Variants in PARD3B observed in about 807,000 individuals in gnomAD.
PARD3B encodes par-3 family cell polarity regulator beta.
In PARD3B, 103 loss-of-function variants were observed where a neutral mutation model predicts 130.2. The observed-to-expected ratio is 0.79, with a 90% CI of 0.67 to 0.93. The LOEUF (loss-of-function observed/expected upper bound fraction) is 0.93. Among genes scored for constraint, PARD3B ranks in the 40% least tolerant of loss-of-function variants. PARD3B has a pLI of 0.00. For synonymous variants in PARD3B, 583 were observed against 553.2 expected (o/e 1.05, Z -0.76); for missense variants, 1,609 against 1,499.2 (o/e 1.07, Z -1.21).
chr2:205,316,552 A>G (rs13400802), intron 18 of PARD3B, among the ~76,000 whole-genome samples: 8,153 of 152,260 alleles, frequency 0.054, 684 homozygotes, highest in African/African-American at 0.18. Flanking sequence ...AAAAAAATGT[A>G]CAACATGATC....
intron 2 of PARD3B, among the ~76,000 whole-genome samples, chr2:204,797,936 C>G (rs1340444036): frequency 6.6e-6 from 1 of 152,082 alleles, no homozygotes. Flanking sequence ...ATATAATTAT[C>G]TTGGGATATA....
At chr2:205,130,337 A>G (rs552320506) in intron 10 of PARD3B, among the ~76,000 whole-genome samples, 7 of 152,338 alleles carry the variant, frequency 4.6e-5, no homozygotes, top group Admixed American at 1.3e-4. Flanking sequence ...TCAGTTCTGT[A>G]AGAGATGTGG....
chr2:205,077,879 G>A (rs1701171807), intron 4 of PARD3B, among the ~76,000 whole-genome samples: 1 of 152,152 alleles, frequency 6.6e-6, no homozygotes, highest in Admixed American at 6.5e-5. Flanking sequence ...ACAAAAGAGA[G>A]TTGGCCATAG....
intron 19 of PARD3B, among the ~76,000 whole-genome samples, chr2:205,411,677 T>C (rs1258126021): frequency 1.3e-5 from 2 of 152,148 alleles, no homozygotes; most frequent in African/African-American, 2.4e-5. Context: ...AATTGGATCC[T>C]GTTATGATGA....
intron 2 of PARD3B, among the ~76,000 whole-genome samples, chr2:204,931,447 C>T (rs982943549): frequency 6.6e-6 from 1 of 151,810 alleles, no homozygotes; most frequent in African/African-American, 2.4e-5. Flanking sequence ...TTGGAGAAGG[C>T]CCATTTAATG....
intron 15 of PARD3B, among the ~76,000 whole-genome samples, chr2:205,196,159 G>T (rs113428844): frequency 6.6e-6 from 1 of 152,102 alleles, no homozygotes; most frequent in Non-Finnish European, 1.5e-5. Flanking sequence ...TCTAAAATGT[G>T]AGTGCTCCTA....
chr2:205,249,951 A>AG (rs796466896), intron 16 of PARD3B, among the ~76,000 whole-genome samples: 6 of 151,484 alleles, frequency 4.0e-5, no homozygotes, highest in African/African-American at 1.4e-4. Context: ...AAAAAAAAAA[A>AG]CAGAAAAATG....
chr2:205,079,664 G>A (rs1049774172), intron 4 of PARD3B, among the ~76,000 whole-genome samples: 5 of 152,012 alleles, frequency 3.3e-5, no homozygotes, highest in African/African-American at 1.2e-4. Flanking sequence ...TCTTGAGGGA[G>A]ATTATAGCAC....
At chr2:205,340,786 A>C (rs2043495128) in intron 18 of PARD3B, among the ~76,000 whole-genome samples, 1 of 152,178 alleles carries the variant, frequency 6.6e-6, no homozygotes, top group Non-Finnish European at 1.5e-5. Flanking sequence ...CAGTAAAGGA[A>C]ACAATCAACA....
intron 2 of PARD3B, among the ~76,000 whole-genome samples, chr2:204,698,667 A>G (rs575506077): frequency 6.6e-6 from 1 of 152,054 alleles, no homozygotes; most frequent in Non-Finnish European, 1.5e-5. Flanking sequence ...TTGAGAGCCA[A>G]TATTCTAGTG....
chr2:205,003,643 A>T (rs1695029716), intron 3 of PARD3B, among the ~76,000 whole-genome samples: 1 of 152,162 alleles, frequency 6.6e-6, no homozygotes, highest in Admixed American at 6.5e-5. Context: ...CACATCTAAC[A>T]TAGGAAACAG....
chr2:204,649,804 T>G (rs1231373103), intron 1 of PARD3B, among the ~76,000 whole-genome samples: 2 of 152,144 alleles, frequency 1.3e-5, no homozygotes, highest in Non-Finnish European at 2.9e-5. Context: ...TCCAAAACTA[T>G]AAAAAGCTGG....
chr2:205,513,197 T>C (rs1477666346), intron 21 of PARD3B, among the ~76,000 whole-genome samples: 3 of 152,056 alleles, frequency 2.0e-5, no homozygotes, highest in African/African-American at 4.8e-5. Flanking sequence ...ATCTTTAAAG[T>C]AGTACTTGAA....
At chr2:205,017,953 G>A (rs966545236) in intron 3 of PARD3B, among the ~76,000 whole-genome samples, 1 of 152,186 alleles carries the variant, frequency 6.6e-6, no homozygotes, top group Non-Finnish European at 1.5e-5. Flanking sequence ...ACTCTAGTTT[G>A]AAAATCTGTG....
intron 10 of PARD3B, among the ~76,000 whole-genome samples, chr2:205,139,607 A>T (rs1050417030): frequency 2.6e-5 from 4 of 152,238 alleles, no homozygotes; most frequent in Non-Finnish European, 5.9e-5. Flanking sequence ...TTAAACAAAG[A>T]TGAAGGCTGC....
chr2:205,052,544 A>G (rs899816097), intron 4 of PARD3B, among the ~76,000 whole-genome samples: 3 of 150,102 alleles, frequency 2.0e-5, no homozygotes, highest in Admixed American at 6.7e-5. Context: ...CTGAAGTTTT[A>G]TGCCTTAGCC....
At chr2:204,607,551 C>T (rs184483151) in intron 1 of PARD3B, among the ~76,000 whole-genome samples, 21 of 152,104 alleles carry the variant, frequency 1.4e-4, no homozygotes, top group Non-Finnish European at 2.4e-4. Flanking sequence ...AAGCAGTGCA[C>T]GTGTATCTAC....
chr2:205,202,697 G>T (rs953042583), intron 15 of PARD3B, among the ~76,000 whole-genome samples: 1 of 152,120 alleles, frequency 6.6e-6, no homozygotes, highest in African/African-American at 2.4e-5. Flanking sequence ...TCGGAGTAAG[G>T]ATCATCCCTC....
At chr2:205,387,803 C>A (rs892143661) in intron 18 of PARD3B, among the ~76,000 whole-genome samples, 1 of 152,152 alleles carries the variant, frequency 6.6e-6, no homozygotes, top group Non-Finnish European at 1.5e-5. Flanking sequence ...GTTGCAGATG[C>A]TCTGGGTAAT....
Sources: gnomAD v4.1 joint callset for allele counts (sites outside exome capture counted in the v4.1 genomes callset) on GRCh38, gnomAD v4.1.1 for gene constraint, MANE v1.5 for transcripts, NCBI Gene and HGNC (gene_info 2026-07-23, HGNC 2026-07-21) for gene names.